Variants in DOCK2 observed in about 807,000 individuals in gnomAD.
DOCK2 encodes dedicator of cytokinesis 2.
DOCK2 carries 87 observed loss-of-function variants against 248.9 expected under a neutral mutation model. The observed-to-expected ratio is 0.35, with a 90% CI of 0.29 to 0.42. The LOEUF (loss-of-function observed/expected upper bound fraction) is 0.42. DOCK2 is among the 10% of genes least tolerant of loss of function. The pLI is 1.00. For synonymous variants in DOCK2, 805 were observed against 821.6 expected, an observed-to-expected ratio of 0.98 and a Z score of 0.35; for missense variants, 1,747 against 2,300.2, an observed-to-expected ratio of 0.76 and a Z score of 4.92.
chr5:169,770,265 A>T (rs968801411), intron 25 of DOCK2, among the ~76,000 whole-genome samples: 1 of 141,062 alleles, frequency 7.1e-6, no homozygotes, highest in African/African-American at 2.6e-5. Context: ...GCCTTTCCCC[A>T]CCTAAGGTAA....
intron 15 of DOCK2, among the ~76,000 whole-genome samples, chr5:169,711,649 T>C (rs1286370017): frequency 6.6e-6 from 1 of 152,218 alleles, no homozygotes; most frequent in Non-Finnish European, 1.5e-5. Flanking sequence ...ATGTGACTTT[T>C]ATATCAATTT....
In DOCK2 at chr5:170,039,890, C is replaced by T. The variant is rs1284410783; in HGVS notation, c.3666-1165C>T. Among the ~76,000 whole-genome samples, 3 of 152,342 alleles carry T rather than the reference C, an allele frequency of 2.0e-5. No individual in the cohort carries two copies. In the East Asian group the frequency reaches 5.8e-4, roughly 29 times the overall value. ...AAGAAATTAGCATATCCCCTCACCA[C>T]ATTACTTAGAGTTGGGTTTAAATAA... On this transcript the variant is annotated intron_variant, in intron 36 of 51. Transcript: ENST00000520908.
At chr5:169,783,415 G>T (rs1485262614) in intron 25 of DOCK2, among the ~76,000 whole-genome samples, 1 of 152,152 alleles carries the variant, frequency 6.6e-6, no homozygotes, top group African/African-American at 2.4e-5. Context: ...AGTCATGTCA[G>T]TTTTTTGGTT....
intron 27 of DOCK2, among the ~76,000 whole-genome samples, chr5:169,885,234 T>C (rs1380990025): frequency 6.6e-6 from 1 of 152,242 alleles, no homozygotes; most frequent in East Asian, 1.9e-4. Context: ...ATTTATTTAA[T>C]GTGCATCTCC....
chr5:169,863,000 A>G (rs1771299244), intron 27 of DOCK2, among the ~76,000 whole-genome samples: 1 of 152,226 alleles, frequency 6.6e-6, no homozygotes, highest in Non-Finnish European at 1.5e-5. Flanking sequence ...TTTTAATTCA[A>G]CCAGAAGGAA....
chr5:169,655,959 C>T (rs1042230987), intron 2 of DOCK2, among the ~76,000 whole-genome samples: 1 of 152,138 alleles, frequency 6.6e-6, no homozygotes, highest in Admixed American at 6.5e-5. Context: ...GTGTCCAGGG[C>T]CTGCAAAGTT....
At chr5:169,885,057 A>G (rs902438659) in intron 27 of DOCK2, among the ~76,000 whole-genome samples, 7 of 151,844 alleles carry the variant, frequency 4.6e-5, no homozygotes, top group Non-Finnish European at 1.0e-4. Flanking sequence ...CACTCAGCCA[A>G]CTCCTGTTCA....
At chr5:169,665,656 C>A (rs1057084656) in intron 2 of DOCK2, among the ~76,000 whole-genome samples, 4 of 152,112 alleles carry the variant, frequency 2.6e-5, no homozygotes, top group Non-Finnish European at 5.9e-5. Flanking sequence ...TTGCCAGATG[C>A]ATACACTTTT....
At chr5:170,057,017 A>G (rs1446418614) in intron 43 of DOCK2, 4 of 490,916 alleles carry the variant, frequency 8.1e-6, no homozygotes, top group Non-Finnish European at 1.5e-5. Flanking sequence ...ACCACAGGGC[A>G]TTCAGGCATT....
intron 2 of DOCK2, among the ~76,000 whole-genome samples, chr5:169,658,503 G>T (rs1477588277): frequency 5.7e-5 from 7 of 123,660 alleles, no homozygotes; most frequent in South Asian, 2.8e-4. Context: ...AAAAAAAAAT[G>T]TATTTATATA....
In DOCK2 at chr5:169,657,026, C is replaced by T. The variant is rs1009651428; in HGVS notation, c.127+2540C>T. 2.0e-5 allele frequency among the ~76,000 whole-genome samples: 3 copies of T among 152,136 alleles called. No homozygotes were observed. The East Asian group carries it at 5.8e-4, about 29-fold the overall frequency. ...GCTGGATATATTCATTGGTAAATGG[C>T]TAATAATTTATTAATTATTTGAAAA... On this transcript the variant is annotated intron_variant, in intron 2 of 51. Coordinates refer to ENST00000520908, the MANE Select transcript of DOCK2 (RefSeq NM_004946.3).
intron 36 of DOCK2, among the ~76,000 whole-genome samples, chr5:170,039,655 C>G (rs1037613839): frequency 2.6e-5 from 4 of 152,348 alleles, no homozygotes; most frequent in Middle Eastern, 3.4e-3. Flanking sequence ...CCCACTGACC[C>G]ATTTTATGTG....
chr5:170,032,675 A>G (rs1756182279), intron 34 of DOCK2, among the ~76,000 whole-genome samples: 1 of 152,200 alleles, frequency 6.6e-6, no homozygotes, highest in Admixed American at 6.5e-5. Context: ...ACAGGTCTAA[A>G]TCACAGGGCC....
Position 169,714,477 on chromosome 5 carries a change from G to T in DOCK2, c.1941+20G>T. On this transcript the variant is annotated intron_variant, in intron 19 of 51. Coordinates refer to ENST00000520908, the MANE Select transcript of DOCK2 (RefSeq NM_004946.3). ...GTGAAGGTCAGTGGGGCTTCATTTT[G>T]ATTGTATTCTTACACTAGTGACAGA... The T allele has an allele frequency of 1.9e-6, 3 of 1,613,044 alleles. No homozygotes were observed. The highest frequency in any genetic ancestry group is 1.1e-5 in the South Asian group (1 of 90,978).
At chr5:169,825,284 G>T (rs1254482684) in intron 26 of DOCK2, among the ~76,000 whole-genome samples, 1 of 152,112 alleles carries the variant, frequency 6.6e-6, no homozygotes, top group Non-Finnish European at 1.5e-5. Flanking sequence ...ATACCCAAAG[G>T]ATTATAAATC....
At chr5:169,868,226 G>A (rs1176421451) in intron 27 of DOCK2, among the ~76,000 whole-genome samples, 1 of 152,216 alleles carries the variant, frequency 6.6e-6, no homozygotes, top group Non-Finnish European at 1.5e-5. Flanking sequence ...TCCCCAGTGT[G>A]TTTGAGATAG....
intron 27 of DOCK2, among the ~76,000 whole-genome samples, chr5:169,871,602 C>G (rs1218269724): frequency 6.6e-6 from 1 of 152,198 alleles, no homozygotes; most frequent in East Asian, 1.9e-4. Flanking sequence ...AATCCGAACC[C>G]TGACAGTCTA....
At chr5:169,991,188 C>A (rs951314361) in intron 29 of DOCK2, among the ~76,000 whole-genome samples, 1 of 152,230 alleles carries the variant, frequency 6.6e-6, no homozygotes, top group African/African-American at 2.4e-5. Flanking sequence ...CATTCCTGGG[C>A]CTGGGCCAGG....
chr5:169,642,391 A>G lies in DOCK2; in HGVS notation c.43+5022A>G, dbSNP rs1249315054. Among the ~76,000 whole-genome samples, 4 of 152,248 alleles carry G rather than the reference A, an allele frequency of 2.6e-5. No individual in the cohort carries two copies. In the East Asian group the frequency reaches 5.8e-4, roughly 22 times the overall value. ...ATTTCATGAATAAATCAGTAACCAT[A>G]TAATTACAAATTGTGATATGTGCTG... On this transcript the variant is annotated intron_variant, in intron 1 of 51. Transcript: ENST00000520908.
Sources: allele counts gnomAD v4.1 joint callset (sites outside exome capture counted in the v4.1 genomes callset), GRCh38; gene constraint gnomAD v4.1.1; transcripts MANE v1.5; gene names NCBI Gene and HGNC (gene_info 2026-07-23, HGNC 2026-07-21).